The following MSANTD3 variants were observed in gnomAD, a reference collection of about 807,000 sequenced individuals.
The protein encoded by MSANTD3 is Myb/SANT DNA binding domain containing 3.
In MSANTD3, 11 loss-of-function variants were observed where a neutral mutation model predicts 27.7. The observed-to-expected ratio is 0.40, with a 90% confidence interval of 0.25 to 0.66. The LOEUF is 0.66. MSANTD3 is among the 30% of genes least tolerant of loss of function. The pLI, the probability that MSANTD3 is intolerant of heterozygous loss-of-function variation, is 0.41. For missense variants in MSANTD3, 250 were observed against 336.5 expected (o/e 0.74, Z 2.01); for synonymous variants, 131 against 127.2 (o/e 1.03, Z -0.20).
Position 100,449,054 on chromosome 9 carries a change from T to C in MSANTD3, c.419-1503T>C, listed in dbSNP as rs966526855. The C allele has an allele frequency of 3.7e-5, 36 of 985,372 alleles. No individual in the cohort carries two copies. In the African/African-American group the frequency reaches 5.9e-4, roughly 16 times the overall value. 61.0% of individuals were successfully genotyped at this position (985,372 alleles called of 1,614,324 possible). On this transcript the variant is annotated intron_variant, in intron 2 of 2. Coordinates refer to ENST00000395067, the MANE Select transcript of MSANTD3 (RefSeq NM_080655.3). Reference sequence around the variant, plus strand: ...ATCTTCCAGAATAACGGAGTGGACGTAATAATGTAATCAACTATGTTAATA... The same window carrying C: ...ATCTTCCAGAATAACGGAGTGGACGCAATAATGTAATCAACTATGTTAATA...
chr9:100,444,300 G>C (rs1202359073), intron 2 of MSANTD3: 2 of 152,210 alleles, frequency 1.3e-5, no homozygotes, highest in Non-Finnish European at 2.9e-5. Flanking sequence ...GGAATGTTGT[G>C]TCTGAGTTTT....
intron 1 of MSANTD3, among the ~76,000 whole-genome samples, chr9:100,436,417 G>A (rs140655540): frequency 4.9e-4 from 74 of 152,214 alleles, no homozygotes; most frequent in African/African-American, 1.5e-3. Context: ...TTTACTGAGC[G>A]CCTACTTTGT....
intron 1 of MSANTD3, among the ~76,000 whole-genome samples, chr9:100,435,895 T>A (rs1836468765): frequency 6.6e-6 from 1 of 152,182 alleles, no homozygotes; most frequent in Non-Finnish European, 1.5e-5. Flanking sequence ...ACACAGACAT[T>A]TAGTCCATAA....
Position 100,450,594 on chromosome 9 carries a change from T to C in MSANTD3, c.456T>C (p.Asp152=), listed in dbSNP as rs1386563180. ...FAVSNRELCD[D]EKEFIHFPVC... ...TTTCAAATAGAGAACTGTGCGATGA[T>C]GAGAAAGAGTTCATACATTTTCCAG... Residue 152 remains aspartate, a synonymous_variant, in exon 3 of 3, where the codon GAT becomes GAC. Coordinates refer to ENST00000395067, the MANE Select transcript of MSANTD3 (RefSeq NM_080655.3). The C allele has an allele frequency of 6.3e-7, 1 of 1,594,196 alleles. No individual in the cohort carries two copies. The highest frequency in any genetic ancestry group is 1.8e-5 in the Admixed American group (1 of 54,726).
chr9:100,431,838 G>A (rs970378137), intron 1 of MSANTD3, among the ~76,000 whole-genome samples: 2 of 152,172 alleles, frequency 1.3e-5, no homozygotes, highest in Non-Finnish European at 2.9e-5. Flanking sequence ...GGTGGGAGTG[G>A]AGGAGAGTGT....
At chr9:100,433,616 A>G (rs966685308) in intron 1 of MSANTD3, among the ~76,000 whole-genome samples, 10 of 152,138 alleles carry the variant, frequency 6.6e-5, no homozygotes, top group African/African-American at 1.9e-4. Flanking sequence ...GGCTCAAGCA[A>G]TCCTCCTGCC....
intron 1 of MSANTD3, among the ~76,000 whole-genome samples, chr9:100,441,400 G>A (rs936553880): frequency 3.9e-5 from 6 of 151,966 alleles, no homozygotes; most frequent in African/African-American, 1.2e-4. Context: ...TTGGGAGGCC[G>A]AGGCAGGCAG....
intron 1 of MSANTD3, among the ~76,000 whole-genome samples, chr9:100,432,021 A>G (rs528104825): frequency 6.6e-6 from 1 of 152,258 alleles, no homozygotes; most frequent in East Asian, 1.9e-4. Context: ...GGACGGGGTT[A>G]GGACTTTAAG....
At chr9:100,442,668 G>T (rs1185994031) in intron 2 of MSANTD3, among the ~76,000 whole-genome samples, 1 of 151,818 alleles carries the variant, frequency 6.6e-6, no homozygotes, top group Non-Finnish European at 1.5e-5. Context: ...AATTAGCTGG[G>T]CATGGTAGCA....
Position 100,442,068 on chromosome 9 carries a change from C to T in MSANTD3, c.130C>T (p.Leu44Phe). 6.2e-7 allele frequency: 1 copy of T among 1,614,202 alleles called. No homozygotes were observed. The highest frequency in any genetic ancestry group is 8.5e-7 in the Non-Finnish European group (1 of 1,180,024). The change falls in exon 2 of 3, where the codon CTT (leucine) becomes TTT (phenylalanine). Residue 44 changes from leucine to phenylalanine, a missense_variant. Physicochemically the swap from Leu to Phe is conservative, Grantham distance 22. This residue lies in a region of MSANTD3 where 235 missense variants were observed against 299.3 expected (regional missense o/e 0.79). Transcript: ENST00000395067. The stretch of plus-strand genomic sequence containing the variant: ...GAAAAGTGATGCGCGAACTATTGCC[C>T]TTAAGCAGCGTACCTGGCAGGCGCT... Reference protein sequence around the residue: ...CKKSDARTIALKQRTWQALAH... With the variant: ...CKKSDARTIAFKQRTWQALAH...
intron 2 of MSANTD3, chr9:100,448,850 T>G: frequency 1.0e-6 from 1 of 985,336 alleles, no homozygotes; most frequent in Non-Finnish European, 1.2e-6. Context: ...TTTCTTTTTT[T>G]TTAAACTTCT....
At chr9:100,448,377 A>T (rs1045866257) in intron 2 of MSANTD3, 2 of 985,202 alleles carry the variant, frequency 2.0e-6, no homozygotes, top group Non-Finnish European at 2.4e-6. Context: ...TTCAAAGAAG[A>T]CATTTTCAGA....
chr9:100,427,744 A>G (rs986286372), intron 1 of MSANTD3, among the ~76,000 whole-genome samples: 1 of 152,036 alleles, frequency 6.6e-6, no homozygotes, highest in Admixed American at 6.5e-5. Flanking sequence ...CGGCGTCCCC[A>G]CTGTGTGCTG....
chr9:100,437,134 G>A (rs181822901), intron 1 of MSANTD3, among the ~76,000 whole-genome samples: 2 of 152,190 alleles, frequency 1.3e-5, no homozygotes, highest in East Asian at 3.9e-4. Flanking sequence ...GATCAAGGGC[G>A]GAAATTATTT....
At chr9:100,439,762 G>A (rs570607854) in intron 1 of MSANTD3, among the ~76,000 whole-genome samples, 1 of 150,454 alleles carries the variant, frequency 6.6e-6, no homozygotes, top group Non-Finnish European at 1.5e-5. Flanking sequence ...CTCGTGATCC[G>A]CCCGCCTCAG....
chr9:100,430,256 A>G, intron 1 of MSANTD3, among the ~76,000 whole-genome samples: 1 of 150,270 alleles, frequency 6.7e-6, no homozygotes, highest in Non-Finnish European at 1.5e-5. Flanking sequence ...GGCTTTGAAG[A>G]TTGAAAATGG....
At chr9:100,440,780 C>CT (rs529362356) in intron 1 of MSANTD3, among the ~76,000 whole-genome samples, 4,663 of 85,670 alleles carry the variant, frequency 0.054, 495 homozygotes, top group East Asian at 0.074. Context: ...TTTTTCTTCC[C>CT]TTTTTTTTTT....
At position 100,448,923 on chromosome 9, in the gene MSANTD3, C is replaced by G. The variant is rs929294705; in HGVS notation, c.419-1634C>G. 11 of 984,872 alleles carry G rather than the reference C, an allele frequency of 1.1e-5. No homozygotes were observed. The African/African-American group carries it at 1.9e-4, about 17-fold the overall frequency. The allele number at this position is 984,872 out of a possible 1,614,324, so 61.0% of individuals were successfully genotyped here. Reference sequence around the variant, plus strand: ...AATTAGGGACTAGTTATGATTGTTACTTTACCTCTTGGAGTGGAATAATTA... The same window carrying G: ...AATTAGGGACTAGTTATGATTGTTAGTTTACCTCTTGGAGTGGAATAATTA... On this transcript the variant is annotated intron_variant, in intron 2 of 2. Transcript: ENST00000395067.
chr9:100,446,198 A>G (rs1307401036), intron 2 of MSANTD3, among the ~76,000 whole-genome samples: 1 of 152,220 alleles, frequency 6.6e-6, no homozygotes, highest in African/African-American at 2.4e-5. Flanking sequence ...GTGATACTTG[A>G]TAACTGTGAA....
Sources: allele counts gnomAD v4.1 joint callset (sites outside exome capture counted in the v4.1 genomes callset), GRCh38; gene constraint gnomAD v4.1.1; regional missense constraint gnomAD v4.1.1; transcripts MANE v1.5; gene names NCBI Gene and HGNC (gene_info 2026-07-23, HGNC 2026-07-21).